The following MCOLN2 variants were observed in gnomAD, a reference collection of about 807,000 sequenced individuals.
The protein encoded by MCOLN2 is mucolipin TRP cation channel 2, also known as mucolipin-2.
MCOLN2 carries 57 observed loss-of-function variants against 67.5 expected under a neutral mutation model. The observed-to-expected ratio is 0.84, with a 90% CI of 0.68 to 1.05. The LOEUF (loss-of-function observed/expected upper bound fraction) is 1.05. Ranked by LOEUF, MCOLN2 falls within the 50% of genes least tolerant of loss-of-function variation. The pLI is 0.00. For missense variants in MCOLN2, 620 were observed against 678.8 expected, an observed-to-expected ratio of 0.91 and a Z score of 0.96; for synonymous variants, 246 against 233.3, an observed-to-expected ratio of 1.05 and a Z score of -0.50.
At chr1:84,992,511 C>T (rs564223002) in intron 1 of MCOLN2, among the ~76,000 whole-genome samples, 1 of 152,248 alleles carries the variant, frequency 6.6e-6, no homozygotes, top group East Asian at 1.9e-4. Context: ...AACAAATAAA[C>T]AAACCAAAAA....
At position 84,939,563 on chromosome 1, in the gene MCOLN2, A is replaced by ATC. The variant is rs1647629281; in HGVS notation, c.1099_1100insGA (p.Ile367ArgfsTer41). On this transcript the variant is annotated frameshift_variant, in exon 9 of 14. Coordinates refer to ENST00000370608, the MANE Select transcript of MCOLN2 (RefSeq NM_153259.4). LOFTEE classifies it high-confidence loss of function. ...ATGGGCTTCCCTCACCTTTGCTTTG[A>ATC]TTTCCATTTTTAATATGGAGCCAAT... The ATC allele has an allele frequency of 6.2e-7, 1 of 1,613,790 alleles. No homozygotes were observed. The highest frequency in any genetic ancestry group is 8.5e-7 in the Non-Finnish European group (1 of 1,179,974).
Position 84,968,473 on chromosome 1 carries a change from A to T in MCOLN2, c.78-2765T>A, listed in dbSNP as rs370471788. On this transcript the variant is annotated intron_variant, in intron 1 of 13. Transcript: ENST00000370608. The stretch of plus-strand genomic sequence containing the variant: ...CAGGTAGTTAAATATAACTAAGCAC[A>T]TGAGGAAACCAAGTGACATAAAACA... Among the ~76,000 whole-genome samples, 8 of 152,352 alleles carry T rather than the reference A, an allele frequency of 5.3e-5. No individual in the cohort carries two copies. In the South Asian group the frequency reaches 1.7e-3, roughly 32 times the overall value.
At chr1:84,946,953 C>T in intron 7 of MCOLN2, 80 bp downstream of exon 7, 3 of 706,474 alleles carry the variant, frequency 4.2e-6, no homozygotes, top group Non-Finnish European at 7.6e-6. Flanking sequence ...TGCAAACAAA[C>T]CATTTAAATA....
At chr1:84,974,752 A>C (rs1649913648) in intron 1 of MCOLN2, among the ~76,000 whole-genome samples, 1 of 151,884 alleles carries the variant, frequency 6.6e-6, no homozygotes, top group Non-Finnish European at 1.5e-5. Flanking sequence ...CAGTTCTAAG[A>C]GCTGACTCTT....
chr1:84,926,511 T>C lies in MCOLN2; in HGVS notation c.*174A>G. On this transcript the variant is annotated 3_prime_UTR_variant, in exon 14 of 14. Coordinates refer to ENST00000370608, the MANE Select transcript of MCOLN2 (RefSeq NM_153259.4). ...GTCTATTCTTTATCATTCAAGTTTA[T>C]AAAAAGTAAAGCTGGAACTTCAGTC... 8.9e-6 allele frequency: 4 copies of C among 448,462 alleles called. No homozygotes were observed. Among genetic ancestry groups the C allele is most frequent in the Non-Finnish European group, 1.6e-5 (4 of 249,282 alleles). 27.8% of individuals were successfully genotyped at this position (448,462 alleles called of 1,614,324 possible).
intron 1 of MCOLN2, among the ~76,000 whole-genome samples, chr1:84,983,310 C>T (rs1290620320): frequency 1.3e-5 from 2 of 152,158 alleles, no homozygotes; most frequent in Non-Finnish European, 2.9e-5. Context: ...CACTCTGTCA[C>T]CCAGGTGGGA....
At chr1:84,964,122 G>C (rs1172189504) in intron 2 of MCOLN2, among the ~76,000 whole-genome samples, 1 of 152,078 alleles carries the variant, frequency 6.6e-6, no homozygotes, top group African/African-American at 2.4e-5. Context: ...CTAACAATAA[G>C]CATACACATT....
chr1:84,987,457 T>TATATAC (rs1650598044), intron 1 of MCOLN2, among the ~76,000 whole-genome samples: 1 of 108,602 alleles, frequency 9.2e-6, no homozygotes, highest in East Asian at 2.4e-4. Context: ...CATATATACA[T>TATATAC]ATATGTATAT....
intron 12 of MCOLN2, 37 bp from the exon 13 acceptor site, chr1:84,929,716 A>T (rs746504267): frequency 1.3e-6 from 2 of 1,585,680 alleles, no homozygotes; most frequent in South Asian, 1.1e-5. Flanking sequence ...CTTATTTATA[A>T]GGCATGAGAA....
At chr1:84,965,149 TAGA>T (rs1217529715) in intron 2 of MCOLN2, among the ~76,000 whole-genome samples, 16 of 152,232 alleles carry the variant, frequency 1.1e-4, no homozygotes, top group Non-Finnish European at 1.5e-4. Flanking sequence ...AGTATTTACT[TAGA>T]TAGAGCACAC....
chr1:84,980,143 G>A (rs10873671), intron 1 of MCOLN2, among the ~76,000 whole-genome samples: 141,804 of 152,188 alleles, frequency 0.93, 66,933 homozygotes, highest in Non-Finnish European at 1. Flanking sequence ...AATGAAAACT[G>A]TAAAACACTG....
In MCOLN2 at chr1:84,965,619, T is replaced by G; in HGVS notation, c.167A>C (p.Tyr56Ser). 6.2e-7 allele frequency: 1 copy of G among 1,614,122 alleles called. No individual in the cohort carries two copies. Among genetic ancestry groups the G allele is most frequent in the Non-Finnish European group, 8.5e-7 (1 of 1,179,978 alleles). The change falls in exon 2 of 14, where the codon TAC becomes TCC. Residue 56 changes from tyrosine to serine, a missense_variant. Physicochemically the swap from Tyr to Ser is moderately radical, Grantham distance 144. Coordinates refer to ENST00000370608, the MANE Select transcript of MCOLN2 (RefSeq NM_153259.4). ...CCACGGAATCTGGCGTCTGGCTCGG[T>G]ATTTTTCACAAGGGCTCATGAAGTA... ...KFYFMSPCEKYRARRQIPWKL... is the reference protein window; with the variant it reads ...KFYFMSPCEKSRARRQIPWKL...
chr1:84,945,612 A>C (rs527872210), intron 7 of MCOLN2, among the ~76,000 whole-genome samples: 2 of 152,364 alleles, frequency 1.3e-5, no homozygotes, highest in African/African-American at 4.8e-5. Context: ...GGTCAAAAGG[A>C]AAGTCATTTA....
intron 11 of MCOLN2, among the ~76,000 whole-genome samples, chr1:84,937,067 T>C (rs1647471406): frequency 6.6e-6 from 1 of 152,216 alleles, no homozygotes; most frequent in Non-Finnish European, 1.5e-5. Flanking sequence ...AGCCATAAGA[T>C]AAAATAACTC....
chr1:84,990,832 G>A (rs376085760), intron 1 of MCOLN2, among the ~76,000 whole-genome samples: 2 of 151,434 alleles, frequency 1.3e-5, no homozygotes, highest in South Asian at 2.1e-4. Flanking sequence ...TACTTGGGGG[G>A]GCTGAGGCAG....
chr1:84,969,208 C>CT (rs1649534783), intron 1 of MCOLN2, among the ~76,000 whole-genome samples: 1 of 152,180 alleles, frequency 6.6e-6, no homozygotes, highest in African/African-American at 2.4e-5. Flanking sequence ...TTCTGTGAGC[C>CT]TCCCTAGCAA....
chr1:84,938,205 T>G (rs961277760), intron 9 of MCOLN2, 123 bp from the exon 10 acceptor site: 12 of 456,910 alleles, frequency 2.6e-5, no homozygotes, highest in South Asian at 8.4e-5. Flanking sequence ...GGTGATAGAG[T>G]TTTTTTTTGA....
chr1:84,981,829 C>G (rs950090537), intron 1 of MCOLN2, among the ~76,000 whole-genome samples: 2 of 152,052 alleles, frequency 1.3e-5, no homozygotes, highest in African/African-American at 4.8e-5. Flanking sequence ...CTGTCTGTAA[C>G]ACAAAGGATA....
intron 1 of MCOLN2, among the ~76,000 whole-genome samples, chr1:84,992,924 TA>T (rs1180364670): frequency 6.6e-6 from 1 of 152,192 alleles, no homozygotes; most frequent in Non-Finnish European, 1.5e-5. Context: ...GGCAATTTCT[TA>T]AAAGAAGACA....
Sources: allele counts gnomAD v4.1 joint callset (sites outside exome capture counted in the v4.1 genomes callset), GRCh38; gene constraint gnomAD v4.1.1; transcripts MANE v1.5; gene names NCBI Gene and HGNC (gene_info 2026-07-23, HGNC 2026-07-21).